The following SARNP variants were observed in gnomAD, a reference collection of about 807,000 sequenced individuals.
SARNP encodes SAP domain containing ribonucleoprotein.
A neutral mutation model predicts 38.1 loss-of-function variants in SARNP; 5 were observed. That is an observed-to-expected ratio of 0.13 (90% confidence interval 0.07 to 0.28). The LOEUF (loss-of-function observed/expected upper bound fraction) is 0.28. SARNP is among the 10% of genes least tolerant of loss of function. The pLI, the probability that SARNP is intolerant of heterozygous loss-of-function variation, is 1.00. For synonymous variants in SARNP, 84 were observed against 80.6 expected (o/e 1.04, Z -0.23); for missense variants, 180 against 243.9 (o/e 0.74, Z 1.75).
chr12:55,794,981 A>AAG (rs1879780490), intron 5 of SARNP, 101 bp from the exon 6 acceptor site: 1 of 639,892 alleles, frequency 1.6e-6, no homozygotes, highest in Admixed American at 3.1e-5. Context: ...AAAAAAAAAA[A>AAG]AAGAGTCTCA....
At position 55,760,555 on chromosome 12, in the gene SARNP, G is replaced by C; in HGVS notation, c.587C>G (p.Thr196Arg). The C allele has an allele frequency of 2.5e-6, 4 of 1,597,034 alleles. No homozygotes were observed. Among genetic ancestry groups the C allele is most frequent in the Non-Finnish European group, 3.4e-6 (4 of 1,164,468 alleles). The change falls in exon 10 of 11, where the codon ACA (threonine) becomes AGA (arginine). Residue 196 changes from threonine (T) to arginine (R), a missense_variant. Coordinates refer to ENST00000336133, the MANE Select transcript of SARNP (RefSeq NM_033082.4). ...SSAGTGTTED[T>R]EAKKRKRAER... ...GCGTTCCAGGTATATTTTTACCTCTGTATCCTCTGTGGTTCCAGTTCCAGC... is the reference window on the plus strand; with the variant it reads ...GCGTTCCAGGTATATTTTTACCTCTCTATCCTCTGTGGTTCCAGTTCCAGC...
intron 9 of SARNP, among the ~76,000 whole-genome samples, chr12:55,764,700 T>C (rs1235654051): frequency 1.3e-5 from 2 of 148,194 alleles, no homozygotes; most frequent in Non-Finnish European, 3.0e-5. Flanking sequence ...TAGCTGGGTG[T>C]GGTGGCGAGT....
At chr12:55,770,824 G>C (rs1565672471) in intron 9 of SARNP, among the ~76,000 whole-genome samples, 1 of 152,022 alleles carries the variant, frequency 6.6e-6, no homozygotes, top group Non-Finnish European at 1.5e-5. Context: ...ATACAGTAAA[G>C]AATACTGCTC....
chr12:55,807,966 T>C (rs1002978302), intron 1 of SARNP, among the ~76,000 whole-genome samples: 4 of 152,210 alleles, frequency 2.6e-5, no homozygotes, highest in Admixed American at 6.5e-5. Flanking sequence ...CACTGTAGAA[T>C]AGTTAGAAAA....
intron 9 of SARNP, among the ~76,000 whole-genome samples, chr12:55,779,991 T>C (rs1330651420): frequency 1.3e-5 from 2 of 151,834 alleles, no homozygotes; most frequent in Admixed American, 6.6e-5. Flanking sequence ...CACAAAAAAA[T>C]TGAAAAATTG....
intron 9 of SARNP, among the ~76,000 whole-genome samples, chr12:55,774,205 G>A (rs1879094583): frequency 6.6e-6 from 1 of 151,718 alleles, no homozygotes; most frequent in Non-Finnish European, 1.5e-5. Context: ...GTCTCACTAT[G>A]CTGCACAGGC....
intron 9 of SARNP, among the ~76,000 whole-genome samples, chr12:55,785,693 T>C (rs919422297): frequency 1.3e-5 from 2 of 151,808 alleles, no homozygotes; most frequent in Non-Finnish European, 2.9e-5. Context: ...GAAAAATCAC[T>C]TGAACCCAGG....
intron 9 of SARNP, among the ~76,000 whole-genome samples, chr12:55,775,063 A>G (rs1022054159): frequency 4.0e-5 from 6 of 150,004 alleles, no homozygotes; most frequent in African/African-American, 1.5e-4. Flanking sequence ...ATTTTTTTGT[A>G]TTTTTAGTAG....
At chr12:55,795,532 G>A (rs1879795838) in intron 5 of SARNP, among the ~76,000 whole-genome samples, 1 of 152,132 alleles carries the variant, frequency 6.6e-6, no homozygotes, top group African/African-American at 2.4e-5. Flanking sequence ...AACACCAATG[G>A]TATTCTTTCA....
At chr12:55,761,444 G>A (rs1286579944) in intron 9 of SARNP, 1 of 152,168 alleles carries the variant, frequency 6.6e-6, no homozygotes, top group African/African-American at 2.4e-5. Flanking sequence ...AGCCATAGAA[G>A]GCTCTGAATA....
At chr12:55,760,781 C>T (rs749452352) in intron 9 of SARNP, 141 bp from the exon 10 acceptor site, 28 of 631,072 alleles carry the variant, frequency 4.4e-5, no homozygotes, top group Non-Finnish European at 7.3e-5. Context: ...AGATAAGATA[C>T]ATAAGAAACT....
At chr12:55,813,050 A>AT (rs1292548652) in intron 1 of SARNP, among the ~76,000 whole-genome samples, 1 of 151,850 alleles carries the variant, frequency 6.6e-6, no homozygotes, top group Non-Finnish European at 1.5e-5. Context: ...GGTTCAAGTG[A>AT]TTCTCCTGTC....
intron 9 of SARNP, among the ~76,000 whole-genome samples, chr12:55,785,540 A>G (rs1879465827): frequency 6.6e-6 from 1 of 150,752 alleles, no homozygotes; most frequent in Non-Finnish European, 1.5e-5. Flanking sequence ...CTGTAATCCC[A>G]GCACTTTGGG....
chr12:55,814,571 C>G (rs945667714), intron 1 of SARNP, among the ~76,000 whole-genome samples: 2 of 152,082 alleles, frequency 1.3e-5, no homozygotes, highest in African/African-American at 4.8e-5. Flanking sequence ...ATCTCTCTTT[C>G]CAAATGTGTT....
intron 1 of SARNP, among the ~76,000 whole-genome samples, chr12:55,811,272 C>T (rs1880319961): frequency 6.6e-6 from 1 of 151,614 alleles, no homozygotes; most frequent in African/African-American, 2.4e-5. Context: ...TATCACACAG[C>T]TTGGCCAGGT....
chr12:55,789,190 G>C, intron 8 of SARNP, 47 bp from the exon 9 acceptor site: 1 of 1,352,816 alleles, frequency 7.4e-7, no homozygotes, highest in Non-Finnish European at 1.0e-6. Flanking sequence ...AATCAAAACG[G>C]AAAACAAAAA....
chr12:55,761,484 C>T (rs1878674374), intron 9 of SARNP: 1 of 152,208 alleles, frequency 6.6e-6, no homozygotes, highest in Admixed American at 6.5e-5. Flanking sequence ...ACAGGTGAAT[C>T]AAGGTGACAG....
At chr12:55,764,864 C>T (rs1312532819) in intron 9 of SARNP, among the ~76,000 whole-genome samples, 4 of 149,592 alleles carry the variant, frequency 2.7e-5, no homozygotes, top group Non-Finnish European at 5.9e-5. Context: ...GGAAGGTTTC[C>T]AACAAACATT....
At chr12:55,774,573 AACAAAC>A (rs1438188182) in intron 9 of SARNP, among the ~76,000 whole-genome samples, 16 of 62,454 alleles carry the variant, frequency 2.6e-4, no homozygotes, top group Middle Eastern at 7.6e-3. Flanking sequence ...AAAAAAAAAA[AACAAAC>A]AAAAAAAAAA....
Sources: allele counts gnomAD v4.1 joint callset (sites outside exome capture counted in the v4.1 genomes callset), GRCh38; gene constraint gnomAD v4.1.1; transcripts MANE v1.5; gene names NCBI Gene and HGNC (gene_info 2026-07-23, HGNC 2026-07-21).